The following TMEM74 variants were observed in gnomAD, a reference collection of about 807,000 sequenced individuals.
The protein encoded by TMEM74 is transmembrane protein 74.
In TMEM74, 13 loss-of-function variants were observed where a neutral mutation model predicts 18.1. The ratio of observed to expected loss-of-function variants is 0.72; its 90% CI spans 0.47 to 1.14. The LOEUF is 1.14. TMEM74 is among the 50% of genes most tolerant of loss of function. The pLI, the probability that TMEM74 is intolerant of heterozygous loss-of-function variation, is 0.00. For synonymous variants in TMEM74, 159 were observed against 146.6 expected, an observed-to-expected ratio of 1.08 and a Z score of -0.61; for missense variants, 372 against 375.9, an observed-to-expected ratio of 0.99 and a Z score of 0.09.
At chr8:108,702,201 AGGTGTGGTGGTG>A (rs1813342493) in intron 1 of TMEM74, among the ~76,000 whole-genome samples, 1 of 151,818 alleles carries the variant, frequency 6.6e-6, no homozygotes, top group Non-Finnish European at 1.5e-5. Context: ...AAAATTAGCC[AGGTGTGGTGGTG>A]GGCACCTGTA....
intron 1 of TMEM74, among the ~76,000 whole-genome samples, chr8:108,753,386 C>A (rs926122963): frequency 1.6e-4 from 25 of 151,960 alleles, no homozygotes; most frequent in African/African-American, 6.0e-4. Flanking sequence ...GAATAAACAG[C>A]CTCATGATAT....
intron 2 of TMEM74, among the ~76,000 whole-genome samples, chr8:108,610,960 G>A (rs184899269): frequency 5.8e-3 from 877 of 152,242 alleles, no homozygotes; most frequent in Non-Finnish European, 7.2e-3. Context: ...TTTGTGCTGG[G>A]GAAATTTTGG....
Position 108,780,818 on chromosome 8 carries a change from T to A in TMEM74, c.*3363A>T, listed in dbSNP as rs1259440609. Among the ~76,000 whole-genome samples the A allele has an allele frequency of 6.6e-6, 1 of 152,094 alleles. No homozygotes were observed. Among genetic ancestry groups the A allele is most frequent in the Non-Finnish European group, 1.5e-5 (1 of 67,998 alleles). ...TAAATCACCTACACAGTGGGGAGCATGACGAAAAGCTGTTCTTTATATGAG... is the reference window on the plus strand; with the variant it reads ...TAAATCACCTACACAGTGGGGAGCAAGACGAAAAGCTGTTCTTTATATGAG... On this transcript the variant is annotated 3_prime_UTR_variant, in exon 2 of 2. Transcript: ENST00000297459.
At chr8:108,671,547 G>C (rs1303986241) in intron 1 of TMEM74, among the ~76,000 whole-genome samples, 1 of 152,202 alleles carries the variant, frequency 6.6e-6, no homozygotes, top group African/African-American at 2.4e-5. Flanking sequence ...TCTCTTAGCT[G>C]AGTTGGTTCT....
At chr8:108,619,071 T>C (rs1399417676) in intron 2 of TMEM74, among the ~76,000 whole-genome samples, 2 of 152,178 alleles carry the variant, frequency 1.3e-5, no homozygotes, top group African/African-American at 4.8e-5. Flanking sequence ...TCATTTAATC[T>C]TGAGAAAAAT....
intron 1 of TMEM74, among the ~76,000 whole-genome samples, chr8:108,672,925 T>C (rs1813018079): frequency 1.3e-5 from 2 of 152,196 alleles, no homozygotes; most frequent in African/African-American, 4.8e-5. Context: ...AAAGCAGGTA[T>C]TCCAGATGTT....
At chr8:108,764,310 T>C (rs1208756591) in intron 1 of TMEM74, among the ~76,000 whole-genome samples, 1 of 152,178 alleles carries the variant, frequency 6.6e-6, no homozygotes, top group Non-Finnish European at 1.5e-5. Flanking sequence ...ACATGTTCTA[T>C]AGTCAGGACT....
At chr8:108,649,994 C>A (rs1357475868) in intron 2 of TMEM74, among the ~76,000 whole-genome samples, 1 of 152,156 alleles carries the variant, frequency 6.6e-6, no homozygotes, top group Admixed American at 6.6e-5. Flanking sequence ...TAGTATCCAT[C>A]CTTCTTTTCT....
intron 2 of TMEM74, among the ~76,000 whole-genome samples, chr8:108,616,770 A>C (rs2130538830): frequency 6.6e-6 from 1 of 152,160 alleles, no homozygotes; most frequent in Non-Finnish European, 1.5e-5. Context: ...GCTTAAGTTG[A>C]TTTAAGTTTC....
intron 2 of TMEM74, among the ~76,000 whole-genome samples, chr8:108,614,799 A>G (rs2130536868): frequency 6.6e-6 from 1 of 152,342 alleles, no homozygotes; most frequent in East Asian, 1.9e-4. Context: ...TGTGATTCAT[A>G]GAAGAGCCTG....
rs1814316400 is a variant in TMEM74, at chr8:108,782,274, A to C, written c.*1907T>G. ...AAAATCATGAAATGAGAGTCACAGT[A>C]AAACAAAGTTTGTTCAAAAAGCACA... On this transcript the variant is annotated 3_prime_UTR_variant, in exon 2 of 2. Transcript: ENST00000297459. Among the ~76,000 whole-genome samples, 1 of 152,210 alleles carries C rather than the reference A, an allele frequency of 6.6e-6. No homozygotes were observed. Among genetic ancestry groups the C allele is most frequent in the South Asian group, 2.1e-4 (1 of 4,832 alleles).
At chr8:108,637,336 G>A (rs1402355186) in intron 2 of TMEM74, among the ~76,000 whole-genome samples, 1 of 151,964 alleles carries the variant, frequency 6.6e-6, no homozygotes, top group Non-Finnish European at 1.5e-5. Context: ...ACCAGGTGTG[G>A]TAGGCAGAAT....
At position 108,784,940 on chromosome 8, in the gene TMEM74, G is replaced by C. The variant is rs767357286; in HGVS notation, c.159C>G (p.Thr53=). The C allele has an allele frequency of 1.2e-6, 2 of 1,614,134 alleles. No individual in the cohort carries two copies. The highest frequency in any genetic ancestry group is 3.3e-5 in the Admixed American group (2 of 60,024). Residue 53 remains threonine, a synonymous_variant, in exon 2 of 2, where the codon ACC becomes ACG. Transcript: ENST00000297459. ...QKQCASTPRA[T]EMEGSKLSSS... Reference sequence around the variant, plus strand: ...AACTAAGTTTAGACCCTTCCATCTCGGTTGCTCTTGGGGTGGATGCACACT... The same window carrying C: ...AACTAAGTTTAGACCCTTCCATCTCCGTTGCTCTTGGGGTGGATGCACACT...
intron 1 of TMEM74, among the ~76,000 whole-genome samples, chr8:108,742,442 A>G (rs1040260507): frequency 2.6e-5 from 4 of 152,198 alleles, no homozygotes; most frequent in Admixed American, 1.3e-4. Flanking sequence ...TCTTTCATTT[A>G]TTAGATTCCT....
At chr8:108,665,125 C>T (rs960122698) in intron 1 of TMEM74, among the ~76,000 whole-genome samples, 5 of 151,998 alleles carry the variant, frequency 3.3e-5, no homozygotes, top group African/African-American at 1.2e-4. Flanking sequence ...TAGTGAATTA[C>T]AGTGGAACAA....
chr8:108,773,838 C>A (rs72675055), intron 1 of TMEM74, among the ~76,000 whole-genome samples: 2 of 152,170 alleles, frequency 1.3e-5, no homozygotes, highest in Non-Finnish European at 2.9e-5. Flanking sequence ...TGCCCGTAAC[C>A]CTAGCCAACA....
intron 1 of TMEM74, among the ~76,000 whole-genome samples, chr8:108,709,902 A>G (rs1199889070): frequency 6.6e-6 from 1 of 152,196 alleles, no homozygotes; most frequent in Non-Finnish European, 1.5e-5. Context: ...AAACAATAAA[A>G]CAAACTGCTT....
At chr8:108,670,902 G>A (rs59368119) in intron 1 of TMEM74, among the ~76,000 whole-genome samples, 4,584 of 152,162 alleles carry the variant, frequency 0.03, 135 homozygotes, top group African/African-American at 0.068. Flanking sequence ...CCATAAGAGC[G>A]AATCAAAGTT....
intron 1 of TMEM74, among the ~76,000 whole-genome samples, chr8:108,685,248 C>A (rs971179312): frequency 6.6e-6 from 1 of 151,778 alleles, no homozygotes; most frequent in African/African-American, 2.4e-5. Flanking sequence ...CTTTATTATT[C>A]GTGTATGGAA....
Sources: allele counts gnomAD v4.1 joint callset (sites outside exome capture counted in the v4.1 genomes callset), GRCh38; gene constraint gnomAD v4.1.1; transcripts MANE v1.5; gene names NCBI Gene and HGNC (gene_info 2026-07-23, HGNC 2026-07-21).